The following NDUFA2 variants were observed in gnomAD, a reference collection of about 807,000 sequenced individuals.
The protein encoded by NDUFA2 is NADH dehydrogenase [ubiquinone] 1 alpha subcomplex subunit 2.
Under a neutral mutation model 11.4 loss-of-function variants are expected in NDUFA2, and 9 were observed. That is an observed-to-expected ratio of 0.79 (90% CI 0.48 to 1.38). The LOEUF is 1.38. Among genes scored for constraint, NDUFA2 ranks in the 40% most tolerant of loss-of-function variants. NDUFA2 has a pLI of 0.00. For missense variants in NDUFA2, 150 were observed against 131.2 expected (o/e 1.14, Z -0.70); for synonymous variants, 49 against 54.0 (o/e 0.91, Z 0.41).
rs1757342970 is a variant in NDUFA2 at position 140,645,503 on chromosome 5, A to T, written c.*84T>A. The stretch of plus-strand genomic sequence containing the variant: ...TTACAGCACAAGCTTTATGAGGAAT[A>T]GGAGAACACATTTTTTTCACATTAT... On this transcript the variant is annotated 3_prime_UTR_variant, in exon 3 of 3. Transcript: ENST00000252102. The T allele has an allele frequency of 2.0e-6, 3 of 1,532,826 alleles. No homozygotes were observed. In the African/African-American group the frequency reaches 4.1e-5, roughly 21 times the overall value. 95.0% of individuals were successfully genotyped at this position (1,532,826 alleles called of 1,614,324 possible).
intron 2 of NDUFA2, 199 bp downstream of exon 2, chr5:140,647,057 C>A (rs1397369190): frequency 4.9e-6 from 3 of 616,534 alleles, no homozygotes; most frequent in Non-Finnish European, 8.0e-6. Flanking sequence ...GGTCAGCCTG[C>A]ATACTTATGT....
In NDUFA2 at chr5:140,647,256, C is replaced by G; in HGVS notation, c.208G>C (p.Ala70Pro). ...CAGACCCCTGGCGTCCCGCACTCAC[C>G]GTAGCGGGCCCAGAGCTTGGGCTGC... ...DVQPKLWARY[A>P]FGQETNVPLN... Residue 70 changes from alanine (A) to proline (P), a missense_variant and splice_region_variant, in exon 2 of 3, where the codon GCA (alanine) becomes CCA (proline). Ala to Pro is a conservative substitution (Grantham distance 27). Transcript: ENST00000252102. 6.5e-7 allele frequency: 1 copy of G among 1,544,798 alleles called. No individual in the cohort carries two copies. Among genetic ancestry groups the G allele is most frequent in the Non-Finnish European group, 8.7e-7 (1 of 1,145,718 alleles).
chr5:140,646,721 C>T (rs1757422952), intron 2 of NDUFA2, among the ~76,000 whole-genome samples: 1 of 152,134 alleles, frequency 6.6e-6, no homozygotes, highest in South Asian at 2.1e-4. Flanking sequence ...TGTAAAGGCT[C>T]AATCCTGTTA....
intron 2 of NDUFA2, 155 bp from the exon 3 acceptor site, chr5:140,645,833 C>G: frequency 2.3e-6 from 3 of 1,311,374 alleles, no homozygotes; most frequent in Non-Finnish European, 3.2e-6. Context: ...AGAATTAATA[C>G]AATAGGTCTC....
chr5:140,645,325 G>T lies in NDUFA2; in HGVS notation c.*262C>A. 1 of 726,418 alleles carries T rather than the reference G, an allele frequency of 1.4e-6. No homozygotes were observed. The allele number at this position is 726,418 out of a possible 1,614,324, so 45.0% of individuals were successfully genotyped here. On this transcript the variant is annotated 3_prime_UTR_variant, in exon 3 of 3. Coordinates refer to ENST00000252102, the MANE Select transcript of NDUFA2 (RefSeq NM_002488.5). The stretch of plus-strand genomic sequence containing the variant: ...CTTACTCTGGGGCCCTAGAATCCCT[G>T]CCCCCCCGCCACCCTTCATGTTTGC...
At chr5:140,647,071 C>A in intron 2 of NDUFA2, 185 bp downstream of exon 2, 1 of 678,848 alleles carries the variant, frequency 1.5e-6, no homozygotes. Context: ...CTTATGTTGC[C>A]CGGAATACAA....
rs1285249515 is a variant in NDUFA2, at chr5:140,647,278, C to G, written c.186G>C (p.Gln62His). 1 of 1,563,710 alleles carries G rather than the reference C, an allele frequency of 6.4e-7. No individual in the cohort carries two copies. The highest frequency in any genetic ancestry group is 8.7e-7 in the Non-Finnish European group (1 of 1,152,990). Residue 62 changes from glutamine to histidine, a missense_variant, in exon 2 of 3, where the codon CAG becomes CAC. Gln to His is a conservative substitution (Grantham distance 24). Coordinates refer to ENST00000252102, the MANE Select transcript of NDUFA2 (RefSeq NM_002488.5). Reference sequence around the variant, plus strand: ...CACCGTAGCGGGCCCAGAGCTTGGGCTGCACATCGGAGCATTCGCGGATTA... The same window carrying G: ...CACCGTAGCGGGCCCAGAGCTTGGGGTGCACATCGGAGCATTCGCGGATTA... Reference protein sequence around the residue: ...PILIRECSDVQPKLWARYAFG... With the variant: ...PILIRECSDVHPKLWARYAFG...
At chr5:140,646,897 CTA>C (rs1757434426) in intron 2 of NDUFA2, among the ~76,000 whole-genome samples, 1 of 152,178 alleles carries the variant, frequency 6.6e-6, no homozygotes, top group African/African-American at 2.4e-5. Context: ...GGGCCCAGCT[CTA>C]TGTGCAAAAT....
At chr5:140,646,510 G>A (rs1435117390) in intron 2 of NDUFA2, among the ~76,000 whole-genome samples, 1 of 151,968 alleles carries the variant, frequency 6.6e-6, no homozygotes, top group Non-Finnish European at 1.5e-5. Flanking sequence ...TGCTTAAGGT[G>A]GTCACTCTCC....
chr5:140,647,133 A>G (rs1015286668), intron 2 of NDUFA2, 123 bp downstream of exon 2: 1 of 1,066,474 alleles, frequency 9.4e-7, no homozygotes. Context: ...CAAGATCAAC[A>G]GCAAGGCTAA....
In NDUFA2 at chr5:140,645,476, T is replaced by G. The variant is rs774895169; in HGVS notation, c.*111A>C. ...AGGACAAGAACACCCTGAGAAAGTATTTTACAGCACAAGCTTTATGAGGAA... is the reference window on the plus strand; with the variant it reads ...AGGACAAGAACACCCTGAGAAAGTAGTTTACAGCACAAGCTTTATGAGGAA... On this transcript the variant is annotated 3_prime_UTR_variant, in exon 3 of 3. Transcript: ENST00000252102. 4 of 1,419,812 alleles carry G rather than the reference T, an allele frequency of 2.8e-6. No individual in the cohort carries two copies. The East Asian group carries it at 9.2e-5, about 33-fold the overall frequency. 88.0% of individuals were successfully genotyped at this position (1,419,812 alleles called of 1,614,324 possible). A position where few individuals can be genotyped will look rare whatever the true frequency, so the allele number is the denominator to read the frequency against.
intron 2 of NDUFA2, among the ~76,000 whole-genome samples, chr5:140,646,592 G>A (rs530483913): frequency 1.3e-5 from 2 of 152,224 alleles, no homozygotes; most frequent in East Asian, 3.9e-4. Flanking sequence ...TATTCAGTAT[G>A]TATAAACATT....
Position 140,647,309 on chromosome 5 carries a change from G to T in NDUFA2, c.155C>A (p.Pro52His). 6.3e-7 allele frequency: 1 copy of T among 1,591,312 alleles called. No homozygotes were observed. The highest frequency in any genetic ancestry group is 8.6e-7 in the Non-Finnish European group (1 of 1,166,410). Reference sequence around the variant, plus strand: ...ATCGGAGCATTCGCGGATTAGGATGGGTAGGTCGGGATTCGCCTTCTTCAG... The same window carrying T: ...ATCGGAGCATTCGCGGATTAGGATGTGTAGGTCGGGATTCGCCTTCTTCAG... ...VELKKANPDL[P>H]ILIRECSDVQ... The change falls in exon 2 of 3, where the codon CCC (proline) becomes CAC (histidine). Residue 52 changes from proline to histidine, a missense_variant. Coordinates refer to ENST00000252102, the MANE Select transcript of NDUFA2 (RefSeq NM_002488.5).
At position 140,645,505 on chromosome 5, in the gene NDUFA2, G is replaced by A. The variant is rs764944990; in HGVS notation, c.*82C>T. On this transcript the variant is annotated 3_prime_UTR_variant, in exon 3 of 3. Coordinates refer to ENST00000252102, the MANE Select transcript of NDUFA2 (RefSeq NM_002488.5). ...ACAGCACAAGCTTTATGAGGAATAGGAGAACACATTTTTTTCACATTATAC... is the reference window on the plus strand; with the variant it reads ...ACAGCACAAGCTTTATGAGGAATAGAAGAACACATTTTTTTCACATTATAC... 29 of 1,543,382 alleles carry A rather than the reference G, an allele frequency of 1.9e-5. No homozygotes were observed. Among genetic ancestry groups the A allele is most frequent in the South Asian group, 1.2e-4 (11 of 88,712 alleles).
chr5:140,647,541 C>T lies in NDUFA2; in HGVS notation c.43G>A (p.Gly15Ser), dbSNP rs773844456. 3 of 1,611,988 alleles carry T rather than the reference C, an allele frequency of 1.9e-6. No homozygotes were observed. The highest frequency in any genetic ancestry group is 2.7e-5 in the African/African-American group (2 of 74,932). ...AAGTGGATGCGAATCTCACGCAGGC[C>T]CAGCTTTGCCCCGACTCCTCGACTT... ...AASRGVGAKL[G>S]LREIRIHLCQ... The change falls in exon 1 of 3, where the codon GGC (glycine) becomes AGC (serine). Residue 15 changes from glycine (G) to serine (S), a missense_variant. Coordinates refer to ENST00000252102, the MANE Select transcript of NDUFA2 (RefSeq NM_002488.5).
At chr5:140,646,009 C>CTTT (rs5871744) in intron 2 of NDUFA2, among the ~76,000 whole-genome samples, 4 of 124,124 alleles carry the variant, frequency 3.2e-5, no homozygotes, top group Non-Finnish European at 5.1e-5. Context: ...CATTCTCTCT[C>CTTT]TTTTTTTTTT....
At chr5:140,647,027 C>G (rs577196441) in intron 2 of NDUFA2, 1 of 503,788 alleles carries the variant, frequency 2.0e-6, no homozygotes. Flanking sequence ...ACGTCAGCTC[C>G]TGGTCCCTAC....
In NDUFA2 at chr5:140,645,509, A is replaced by G; in HGVS notation, c.*78T>C. ...CACAAGCTTTATGAGGAATAGGAGA[A>G]CACATTTTTTTCACATTATACTAAG... On this transcript the variant is annotated 3_prime_UTR_variant, in exon 3 of 3. Transcript: ENST00000252102. The G allele has an allele frequency of 6.4e-7, 1 of 1,558,174 alleles. No homozygotes were observed. The highest frequency in any genetic ancestry group is 8.8e-7 in the Non-Finnish European group (1 of 1,133,086).
Position 140,645,339 on chromosome 5 carries a change from C to G in NDUFA2, c.*248G>C. On this transcript the variant is annotated 3_prime_UTR_variant, in exon 3 of 3. Coordinates refer to ENST00000252102, the MANE Select transcript of NDUFA2 (RefSeq NM_002488.5). ...CTAGAATCCCTGCCCCCCCGCCACCCTTCATGTTTGCTTCAGCAGCTGGTA... is the reference window on the plus strand; with the variant it reads ...CTAGAATCCCTGCCCCCCCGCCACCGTTCATGTTTGCTTCAGCAGCTGGTA... 1.3e-6 allele frequency: 1 copy of G among 743,874 alleles called. No individual in the cohort carries two copies. The highest frequency in any genetic ancestry group is 2.3e-6 in the Non-Finnish European group (1 of 427,610). 46.1% of individuals were successfully genotyped at this position (743,874 alleles called of 1,614,324 possible).
Sources: gnomAD v4.1 joint callset for allele counts (sites outside exome capture counted in the v4.1 genomes callset) on GRCh38, gnomAD v4.1.1 for gene constraint, MANE v1.5 for transcripts, NCBI Gene and HGNC (gene_info 2026-07-23, HGNC 2026-07-21) for gene names.